Variants in LRRC1 observed in about 807,000 individuals in gnomAD.
LRRC1 encodes leucine rich repeat containing 1.
A neutral mutation model predicts 69.9 loss-of-function variants in LRRC1; 28 were observed. That is an observed-to-expected ratio of 0.40 (90% CI 0.30 to 0.55). The LOEUF (loss-of-function observed/expected upper bound fraction) is 0.55, where lower values mean the gene tolerates loss of function less well. Among genes scored for constraint, LRRC1 ranks in the 20% least tolerant of loss-of-function variants. The pLI, the probability that LRRC1 is intolerant of heterozygous loss-of-function variation, is 0.47. For synonymous variants in LRRC1, 236 were observed against 240.2 expected (o/e 0.98, Z 0.16); for missense variants, 498 against 609.0 (o/e 0.82, Z 1.92).
chr6:53,890,215 G>A (rs1767629731), intron 4 of LRRC1, among the ~76,000 whole-genome samples: 1 of 152,172 alleles, frequency 6.6e-6, no homozygotes, highest in African/African-American at 2.4e-5. Flanking sequence ...TCTACTCCCT[G>A]TTTAACTGAG....
At chr6:53,876,409 C>T (rs1767071780) in intron 2 of LRRC1, among the ~76,000 whole-genome samples, 3 of 152,146 alleles carry the variant, frequency 2.0e-5, no homozygotes, top group Non-Finnish European at 4.4e-5. Context: ...CTCATGTCCT[C>T]ACATTTCAAA....
At chr6:53,842,358 G>C (rs1237542393) in intron 2 of LRRC1, 131 bp downstream of exon 2, 3 of 624,516 alleles carry the variant, frequency 4.8e-6, no homozygotes, top group Non-Finnish European at 8.6e-6. Flanking sequence ...TGAGAATGAT[G>C]GTTTCCAGCT....
At chr6:53,814,123 A>G (rs1764880518) in intron 1 of LRRC1, among the ~76,000 whole-genome samples, 1 of 151,926 alleles carries the variant, frequency 6.6e-6, no homozygotes, top group Non-Finnish European at 1.5e-5. Flanking sequence ...TCTAACTCCA[A>G]CTCATCTTTC....
intron 1 of LRRC1, among the ~76,000 whole-genome samples, chr6:53,816,899 A>C (rs1369664698): frequency 6.6e-6 from 1 of 152,240 alleles, no homozygotes; most frequent in Non-Finnish European, 1.5e-5. Context: ...GCTTCACTTA[A>C]GACAAAGAAG....
chr6:53,887,465 C>T (rs190551567), intron 4 of LRRC1, among the ~76,000 whole-genome samples: 18 of 152,052 alleles, frequency 1.2e-4, no homozygotes, highest in African/African-American at 4.3e-4. Flanking sequence ...AGAGATGATG[C>T]TGACAGTCTC....
At chr6:53,876,150 A>AGGG (rs1402584231) in intron 2 of LRRC1, among the ~76,000 whole-genome samples, 3 of 152,146 alleles carry the variant, frequency 2.0e-5, no homozygotes, top group Non-Finnish European at 1.5e-5. Context: ...GTGGAAGACA[A>AGGG]GGGGGAGCAA....
chr6:53,824,650 G>T (rs553930344), intron 1 of LRRC1, among the ~76,000 whole-genome samples: 5 of 152,250 alleles, frequency 3.3e-5, no homozygotes, highest in African/African-American at 1.2e-4. Flanking sequence ...AAAACCTGAG[G>T]TTTGCTTTTC....
At chr6:53,915,055 G>A (rs568952333) in intron 11 of LRRC1, among the ~76,000 whole-genome samples, 25 of 152,152 alleles carry the variant, frequency 1.6e-4, no homozygotes, top group Non-Finnish European at 3.5e-4. Flanking sequence ...TTATATCATA[G>A]GCTTCCTTGC....
intron 2 of LRRC1, among the ~76,000 whole-genome samples, chr6:53,843,744 T>C (rs7745548): frequency 0.37 from 56,377 of 151,906 alleles, 10,938 homozygotes; most frequent in East Asian, 0.64. Flanking sequence ...TTTCATGGCC[T>C]CTTTTTTCCA....
chr6:53,903,425 G>A (rs935958699), intron 9 of LRRC1, among the ~76,000 whole-genome samples: 2 of 152,030 alleles, frequency 1.3e-5, no homozygotes, highest in African/African-American at 4.8e-5. Context: ...CTCTGCTTTT[G>A]TCAGCCCTTC....
chr6:53,813,024 G>T (rs533402491), intron 1 of LRRC1, among the ~76,000 whole-genome samples: 1 of 152,204 alleles, frequency 6.6e-6, no homozygotes, highest in South Asian at 2.1e-4. Flanking sequence ...ATAGGGAGTG[G>T]CTGGATGAGA....
chr6:53,841,306 C>T (rs1032202600), intron 1 of LRRC1, among the ~76,000 whole-genome samples: 2 of 152,190 alleles, frequency 1.3e-5, no homozygotes, highest in Non-Finnish European at 2.9e-5. Context: ...TTCTCCTTTC[C>T]TCAGAGGTAC....
At chr6:53,884,292 C>T (rs1767397317) in intron 4 of LRRC1, 1 of 373,126 alleles carries the variant, frequency 2.7e-6, no homozygotes, top group Admixed American at 4.4e-5. Context: ...ATTCCTTGAG[C>T]CCAGGAGTTC....
intron 2 of LRRC1, among the ~76,000 whole-genome samples, chr6:53,869,296 G>A (rs528307806): frequency 6.6e-6 from 1 of 152,150 alleles, no homozygotes; most frequent in Non-Finnish European, 1.5e-5. Context: ...GTGTCAAAGA[G>A]GGGGATGGTG....
rs768961378 is a variant in LRRC1, at chr6:53,896,578, G to C, written c.503+24G>C. 67 of 1,583,648 alleles carry C rather than the reference G, an allele frequency of 4.2e-5. No homozygotes were observed. In the East Asian group the frequency reaches 1.3e-3, roughly 31 times the overall value. ...GAGTGAGTCTTTGGGGAAAATAAGAGGAGATTTTGTGCAGAATGAATTTAA... is the reference window on the plus strand; with the variant it reads ...GAGTGAGTCTTTGGGGAAAATAAGACGAGATTTTGTGCAGAATGAATTTAA... On this transcript the variant is annotated intron_variant, in intron 5 of 13. Transcript: ENST00000370888.
At chr6:53,913,678 T>C (rs948855691) in intron 10 of LRRC1, among the ~76,000 whole-genome samples, 176 bp from the exon 11 acceptor site, 3 of 152,222 alleles carry the variant, frequency 2.0e-5, no homozygotes, top group African/African-American at 7.2e-5. Context: ...TATGAACATA[T>C]GGGGCTGCGT....
chr6:53,816,330 T>C (rs998512377), intron 1 of LRRC1, among the ~76,000 whole-genome samples: 7 of 152,164 alleles, frequency 4.6e-5, no homozygotes, highest in Non-Finnish European at 7.4e-5. Flanking sequence ...ATAAAATAGA[T>C]GTTGGGTCTA....
chr6:53,853,459 A>G (rs533177239), intron 2 of LRRC1, among the ~76,000 whole-genome samples: 9 of 151,874 alleles, frequency 5.9e-5, no homozygotes, highest in Non-Finnish European at 1.2e-4. Context: ...TAATTTTTGT[A>G]TATTTAGTAG....
chr6:53,891,329 TA>T (rs373697482), intron 4 of LRRC1, among the ~76,000 whole-genome samples: 4 of 152,150 alleles, frequency 2.6e-5, no homozygotes, highest in Non-Finnish European at 5.9e-5. Context: ...TGTCAGAAAT[TA>T]AAATTGAAGG....
Sources: allele counts gnomAD v4.1 joint callset (sites outside exome capture counted in the v4.1 genomes callset), GRCh38; gene constraint gnomAD v4.1.1; transcripts MANE v1.5; gene names NCBI Gene and HGNC (gene_info 2026-07-23, HGNC 2026-07-21).